The following TUBGCP2 variants were observed in gnomAD, a reference collection of about 807,000 sequenced individuals.
The protein encoded by TUBGCP2 is gamma-tubulin complex component 2.
Under a neutral mutation model 92.2 loss-of-function variants are expected in TUBGCP2, and 55 were observed. The observed-to-expected ratio is 0.60, with a 90% confidence interval of 0.48 to 0.75. TUBGCP2 has a LOEUF of 0.75. Among genes scored for constraint, TUBGCP2 ranks in the 30% least tolerant of loss-of-function variants. The pLI, the probability that TUBGCP2 is intolerant of heterozygous loss-of-function variation, is 0.00. For missense variants in TUBGCP2, 1,093 were observed against 1,188.9 expected (o/e 0.92, Z 1.19); for synonymous variants, 533 against 505.2 (o/e 1.06, Z -0.74).
upstream of TUBGCP2, among the ~76,000 whole-genome samples, chr10:133,311,403 A>G (rs929430165): frequency 6.6e-6 from 1 of 152,222 alleles, no homozygotes; most frequent in Non-Finnish European, 1.5e-5. Context: ...GGTTAACTTT[A>G]GCAAATTTCT....
At chr10:133,291,234 G>A (rs1169467656) in intron 8 of TUBGCP2, among the ~76,000 whole-genome samples, 1 of 127,804 alleles carries the variant, frequency 7.8e-6, no homozygotes, top group Non-Finnish European at 1.5e-5. Context: ...AGGGCAGCAC[G>A]CGCCCTCCGT....
intron 1 of TUBGCP2, among the ~76,000 whole-genome samples, chr10:133,304,239 G>A (rs1426896325): frequency 6.6e-6 from 1 of 152,190 alleles, no homozygotes; most frequent in Non-Finnish European, 1.5e-5. Flanking sequence ...GCTGAGGTGG[G>A]AGGATCGCTT....
At chr10:133,307,136 C>T (rs967063591) in intron 1 of TUBGCP2, among the ~76,000 whole-genome samples, 2 of 152,238 alleles carry the variant, frequency 1.3e-5, no homozygotes, top group African/African-American at 2.4e-5. Context: ...AACATCTAGC[C>T]GTGGCTGCTT....
chr10:133,309,747 A>G, upstream of TUBGCP2: 1 of 1,611,288 alleles, frequency 6.2e-7, no homozygotes, highest in South Asian at 1.1e-5. Flanking sequence ...CACCGGAGGA[A>G]GGGCTCCTGA....
chr10:133,309,785 G>A (rs1220991097), upstream of TUBGCP2: 5 of 1,612,936 alleles, frequency 3.1e-6, no homozygotes, highest in South Asian at 3.3e-5. Flanking sequence ...GGGTGCCCGC[G>A]TTTGCCTGCC....
At chr10:133,286,762 T>C (rs775207629) in intron 11 of TUBGCP2, among the ~76,000 whole-genome samples, 2 of 152,160 alleles carry the variant, frequency 1.3e-5, no homozygotes, top group African/African-American at 2.4e-5. Context: ...TTCACAAACA[T>C]GTGGAAGTTA....
At position 133,303,842 on chromosome 10, in the gene TUBGCP2, G is replaced by T. The variant is rs554774909; in HGVS notation, c.-39-862C>A. ...CACTGCAGCTCCAGCTGCCCCAGGG[G>T]CTCACCAGGAGACATATAACACATA... On this transcript the variant is annotated intron_variant, in intron 1 of 17. Transcript: ENST00000252936. Among the ~76,000 whole-genome samples, 7 of 152,352 alleles carry T rather than the reference G, an allele frequency of 4.6e-5. No homozygotes were observed. The South Asian group carries it at 1.5e-3, about 32-fold the overall frequency.
At position 133,293,204 on chromosome 10, in the gene TUBGCP2, G is replaced by A; in HGVS notation, c.859C>T (p.Gln287Ter). 6.2e-7 allele frequency: 1 copy of A among 1,613,788 alleles called. No homozygotes were observed. The highest frequency in any genetic ancestry group is 8.5e-7 in the Non-Finnish European group (1 of 1,180,030). Residue 287 changes from glutamine to a stop codon, truncating the protein, a stop_gained, in exon 7 of 18, where the codon CAG (glutamine) becomes TAG (stop). Coordinates refer to ENST00000252936, the MANE Select transcript of TUBGCP2 (RefSeq NM_006659.4). LOFTEE classifies it high-confidence loss of function. ...GCGGCCGCCAGGGCGTGGTTCACCT[G>A]CCCGTACTCGAAGGAAGACTTCTCT... Reference protein sequence around the residue: ...IEEKSSFEYGQVNHALAAAMR... With the variant: ...IEEKSSFEYG
chr10:133,283,908 G>T lies in TUBGCP2; in HGVS notation c.2119C>A (p.His707Asn), dbSNP rs965306770. 3.7e-6 allele frequency: 6 copies of T among 1,614,120 alleles called. No homozygotes were observed. The highest frequency in any genetic ancestry group is 4.2e-6 in the Non-Finnish European group (5 of 1,179,978). The part of the protein sequence containing the change: ...MMFEVMEPTW[H>N]ILEKNLKSAS... ...GATTTCAGGTTTTTCTCCAGGATGT[G>T]CCAGGTCGGTTCCATCACTTCAAAC... is the stretch of plus-strand genomic sequence containing the variant. The change falls in exon 14 of 18, where the codon CAC becomes AAC. Residue 707 changes from histidine to asparagine, a missense_variant. His to Asn is a moderately conservative substitution (Grantham distance 68). This residue lies in a region of TUBGCP2 where 598 missense variants were observed against 675.5 expected (regional missense o/e 0.89). Coordinates refer to ENST00000252936, the MANE Select transcript of TUBGCP2 (RefSeq NM_006659.4).
chr10:133,291,876 TACGGGAGAGGGCAGC>T (rs1847325811), intron 8 of TUBGCP2, among the ~76,000 whole-genome samples: 1 of 28,050 alleles, frequency 3.6e-5, no homozygotes, highest in African/African-American at 2.3e-4. Context: ...GCCCTACCTG[TACGGGAGAGGGCAGC>T]ATGCACCGTC....
At chr10:133,311,356 A>G (rs1468010603), upstream of TUBGCP2, among the ~76,000 whole-genome samples, 5 of 152,246 alleles carry the variant, frequency 3.3e-5, no homozygotes, top group African/African-American at 9.6e-5. Context: ...CTGGATTAAG[A>G]CATTCGTATT....
At position 133,292,703 on chromosome 10, in the gene TUBGCP2, G is replaced by A. The variant is rs771194104; in HGVS notation, c.1025-15C>T. 1.2e-6 allele frequency: 2 copies of A among 1,609,406 alleles called. No individual in the cohort carries two copies. Among genetic ancestry groups the A allele is most frequent in the African/African-American group, 1.3e-5 (1 of 74,824 alleles). ...CACCGAGGTGGCTGTGGGGAGAAAG[G>A]AGGGCTCACTGCTGAGAAGGAAGCG... On this transcript the variant is annotated splice_polypyrimidine_tract_variant and intron_variant, in intron 7 of 17. Transcript: ENST00000252936.
At chr10:133,280,571 C>T (rs981198408) in intron 17 of TUBGCP2, among the ~76,000 whole-genome samples, 1 of 152,188 alleles carries the variant, frequency 6.6e-6, no homozygotes, top group Non-Finnish European at 1.5e-5. Context: ...CACACACAGC[C>T]GCAGGGTGCC....
Position 133,299,308 on chromosome 10 carries a change from C to G in TUBGCP2, c.456+119G>C, listed in dbSNP as rs962952586. 9 of 800,082 alleles carry G rather than the reference C, an allele frequency of 1.1e-5. No individual in the cohort carries two copies. The East Asian group carries it at 2.3e-4, about 21-fold the overall frequency. 49.6% of individuals were successfully genotyped at this position (800,082 alleles called of 1,614,324 possible). A position where few individuals can be genotyped will look rare whatever the true frequency, so the allele number is the denominator to read the frequency against. On this transcript the variant is annotated intron_variant, in intron 4 of 17. Coordinates refer to ENST00000252936, the MANE Select transcript of TUBGCP2 (RefSeq NM_006659.4). ...TAAGGGATTCATTTTCAATAAATGA[C>G]AGAGAGACATGTCCTTCCAGCAGGG... is the stretch of plus-strand genomic sequence containing the variant.
At chr10:133,296,908 A>G (rs2136131208) in intron 5 of TUBGCP2, among the ~76,000 whole-genome samples, 1 of 152,290 alleles carries the variant, frequency 6.6e-6, no homozygotes, top group South Asian at 2.1e-4. Flanking sequence ...GATGAGGAAA[A>G]CAGGTGGATT....
intron 5 of TUBGCP2, among the ~76,000 whole-genome samples, 187 bp downstream of exon 5, chr10:133,297,765 T>C (rs1017343926): frequency 6.6e-6 from 1 of 152,188 alleles, no homozygotes; most frequent in Non-Finnish European, 1.5e-5. Context: ...GATGGGAATA[T>C]GGAGGCGGCA....
chr10:133,311,123 T>G (rs1195430870), upstream of TUBGCP2, among the ~76,000 whole-genome samples: 1 of 152,224 alleles, frequency 6.6e-6, no homozygotes, highest in Non-Finnish European at 1.5e-5. Context: ...TAAATTGTGT[T>G]ATATTTCTTC....
rs890302659 is a variant in TUBGCP2 at position 133,282,073 on chromosome 10, TGCTTGG to T, written c.2409+144_2409+149del. On this transcript the variant is annotated intron_variant, in intron 16 of 17. Coordinates refer to ENST00000252936, the MANE Select transcript of TUBGCP2 (RefSeq NM_006659.4). Reference sequence around the variant, plus strand: ...AGATTGTGAGAGGCTCTTGTGCTTGTGCTTGGAAGCTAATTTTAAGTCTTTTCTTCA... The same window carrying T: ...AGATTGTGAGAGGCTCTTGTGCTTGTAAGCTAATTTTAAGTCTTTTCTTCA... The T allele has an allele frequency of 3.9e-6, 5 of 1,295,150 alleles. No individual in the cohort carries two copies. In the African/African-American group the frequency reaches 7.4e-5, roughly 19 times the overall value. The allele number at this position is 1,295,150 out of a possible 1,614,324, so 80.2% of individuals were successfully genotyped here.
chr10:133,292,072 C>CT (rs1172589878), intron 8 of TUBGCP2, among the ~76,000 whole-genome samples: 1 of 5,666 alleles, frequency 1.8e-4, no homozygotes. Context: ...CTCCGTGTCC[C>CT]CCGTGTCCCT....
Sources: gnomAD v4.1 joint callset for allele counts (sites outside exome capture counted in the v4.1 genomes callset) on GRCh38, gnomAD v4.1.1 for gene constraint, gnomAD v4.1.1 regional missense constraint, MANE v1.5 for transcripts, NCBI Gene and HGNC (gene_info 2026-07-23, HGNC 2026-07-21) for gene names.